The following PIGZ variants were observed in gnomAD, a reference collection of about 807,000 sequenced individuals.
The protein encoded by PIGZ is GPI alpha-1,2-mannosyltransferase 4.
In PIGZ, 16 loss-of-function variants were observed where a neutral mutation model predicts 16.4. That is an observed-to-expected ratio of 0.97 (90% CI 0.66 to 1.48). PIGZ has a LOEUF of 1.48. Among genes scored for constraint, PIGZ ranks in the 40% most tolerant of loss-of-function variants. The pLI is 0.00. For synonymous variants in PIGZ, 409 were observed against 338.4 expected, an observed-to-expected ratio of 1.21 and a Z score of -2.29; for missense variants, 770 against 739.2, an observed-to-expected ratio of 1.04 and a Z score of -0.48.
intron 2 of PIGZ, chr3:196,951,591 A>G (rs1173578237): frequency 6.9e-6 from 4 of 582,440 alleles, no homozygotes; most frequent in South Asian, 2.0e-5. Flanking sequence ...GGATACATCA[A>G]AGAGACTGGT....
intron 2 of PIGZ, chr3:196,951,501 C>G (rs983152522): frequency 5.2e-6 from 2 of 381,520 alleles, no homozygotes; most frequent in South Asian, 2.6e-5. Context: ...ACTGGGGAAG[C>G]CTAACTCTAA....
intron 2 of PIGZ, among the ~76,000 whole-genome samples, chr3:196,948,899 C>CCTTTACTTCT (rs1560180853): frequency 1.9e-4 from 6 of 31,124 alleles, no homozygotes; most frequent in Admixed American, 3.8e-4. Context: ...CCCTTCCTTC[C>CCTTTACTTCT]CTTCCCCTCC....
At position 196,949,102 on chromosome 3, in the gene PIGZ, T is replaced by C. The variant is rs76647347; in HGVS notation, c.212-417A>G. 6.1e-4 allele frequency among the ~76,000 whole-genome samples: 85 copies of C among 138,342 alleles called. 3 individuals are homozygous for C. In the East Asian group the frequency reaches 0.013, roughly 21 times the overall value. 90.8% of individuals were successfully genotyped at this position (138,342 alleles called of 152,430 possible). ...TTCATCTCTGTCACCCAGGCTGGAG[T>C]GCGGTGGCGAGATCACAGCTCTCGC... On this transcript the variant is annotated intron_variant, in intron 2 of 2. Transcript: ENST00000412723.
chr3:196,949,032 TC>T lies in PIGZ; in HGVS notation c.212-348del, dbSNP rs1560181688. 2.6e-4 allele frequency among the ~76,000 whole-genome samples: 12 copies of T among 46,050 alleles called. 1 individual carries two copies. The highest frequency in any genetic ancestry group is 1.4e-3 in the African/African-American group (11 of 7,918). The allele number at this position is 46,050 out of a possible 152,430, so 30.2% of individuals were successfully genotyped here. ...TTTCCCTCCCCTCCCTTCCCTTCCT[TC>T]CCTTCCTTCCTTCCCTTCCCTTCCT... On this transcript the variant is annotated intron_variant, in intron 2 of 2. Coordinates refer to ENST00000412723, the MANE Select transcript of PIGZ (RefSeq NM_025163.4).
intron 1 of PIGZ, among the ~76,000 whole-genome samples, chr3:196,964,295 C>T (rs1316867138): frequency 1.3e-5 from 2 of 152,098 alleles, no homozygotes; most frequent in East Asian, 3.9e-4. Context: ...GTGATCCGCC[C>T]ACCTCGGCCT....
Position 196,947,552 on chromosome 3 carries a change from G to A in PIGZ, c.1345C>T (p.Pro449Ser), listed in dbSNP as rs780088203. The change falls in exon 3 of 3, where the codon CCT (proline) becomes TCT (serine). Residue 449 changes from proline (P) to serine (S), a missense_variant. Physicochemically the swap from Pro to Ser is moderately conservative, Grantham distance 74. Transcript: ENST00000412723. ...LEYLEQVVHA[P>S]VLPSTPTHYT... The stretch of plus-strand genomic sequence containing the variant: ...TGGGTGGGTGTGCTTGGGAGCACAG[G>A]GGCATGGACCACCTGCTCCAGGTAC... The A allele has an allele frequency of 9.3e-6, 15 of 1,613,682 alleles. No homozygotes were observed. In the East Asian group the frequency reaches 2.5e-4, roughly 26 times the overall value.
intron 1 of PIGZ, among the ~76,000 whole-genome samples, chr3:196,959,762 T>C (rs1402012680): frequency 6.6e-6 from 1 of 152,204 alleles, no homozygotes; most frequent in African/African-American, 2.4e-5. Flanking sequence ...GTCAAAACCA[T>C]TGGCCACTTC....
intron 1 of PIGZ, among the ~76,000 whole-genome samples, chr3:196,968,396 C>A (rs1718020966): frequency 6.6e-6 from 1 of 152,220 alleles, no homozygotes; most frequent in Non-Finnish European, 1.5e-5. Flanking sequence ...GCGCCCAGAC[C>A]CGTGCCCTGG....
At chr3:196,961,275 T>C (rs1416176649) in intron 1 of PIGZ, among the ~76,000 whole-genome samples, 1 of 152,204 alleles carries the variant, frequency 6.6e-6, no homozygotes, top group African/African-American at 2.4e-5. Context: ...AGTAGCTCCA[T>C]TGGTCAGTTT....
chr3:196,966,074 C>A (rs1480974446), intron 1 of PIGZ, among the ~76,000 whole-genome samples: 1 of 152,194 alleles, frequency 6.6e-6, no homozygotes, highest in African/African-American at 2.4e-5. Context: ...GAGTAGAATT[C>A]GGTGCTCCAG....
chr3:196,954,467 G>A (rs1039555518), intron 1 of PIGZ, among the ~76,000 whole-genome samples: 14 of 151,662 alleles, frequency 9.2e-5, no homozygotes, highest in African/African-American at 2.4e-4. Flanking sequence ...CTTTATAATC[G>A]TCACCAGAAT....
intron 1 of PIGZ, among the ~76,000 whole-genome samples, chr3:196,963,162 C>A (rs1348858985): frequency 6.6e-6 from 1 of 152,162 alleles, no homozygotes; most frequent in African/African-American, 2.4e-5. Flanking sequence ...CAAGTGATAT[C>A]CCATTGTGTG....
At chr3:196,951,354 C>T (rs1400967705) in intron 2 of PIGZ, among the ~76,000 whole-genome samples, 1 of 152,132 alleles carries the variant, frequency 6.6e-6, no homozygotes, top group Non-Finnish European at 1.5e-5. Flanking sequence ...GCCAGGCAAC[C>T]AGCCTCATGA....
chr3:196,956,478 T>G (rs2052765), intron 1 of PIGZ, among the ~76,000 whole-genome samples: 2,656 of 152,286 alleles, frequency 0.017, 46 homozygotes, highest in Admixed American at 0.045. Flanking sequence ...AAGAACAGTA[T>G]GAGGGAAACC....
In PIGZ at chr3:196,947,431, C is replaced by T. The variant is rs202156268; in HGVS notation, c.1466G>A (p.Gly489Glu). ...GAPVEVVDMG[G>E]TEDWALCQTL... is the part of the protein sequence containing the mutation. ...TTGGCACAGGGCCCAGTCCTCAGTC[C>T]CCCCCATGTCCACCACCTCCACTGG... The change falls in exon 3 of 3, where the codon GGG becomes GAG. Residue 489 changes from glycine (G) to glutamate (E), a missense_variant. Gly to Glu is a moderately conservative substitution (Grantham distance 98). Coordinates refer to ENST00000412723, the MANE Select transcript of PIGZ (RefSeq NM_025163.4). 1.4e-5 allele frequency: 22 copies of T among 1,613,752 alleles called. No individual in the cohort carries two copies. Among genetic ancestry groups the T allele is most frequent in the Non-Finnish European group, 1.7e-5 (20 of 1,180,016 alleles).
Position 196,946,982 on chromosome 3 carries a change from G to A in PIGZ, c.*175C>T. The A allele has an allele frequency of 1.8e-6, 1 of 566,690 alleles. No homozygotes were observed. Among genetic ancestry groups the A allele is most frequent in the East Asian group, 3.0e-5 (1 of 33,496 alleles). The allele number at this position is 566,690 out of a possible 1,614,324, so 35.1% of individuals were successfully genotyped here. A position where few individuals can be genotyped will look rare whatever the true frequency, so the allele number is the denominator to read the frequency against. ...CAAATCTTTGGTCTCAGGGAGAAGA[G>A]TGCCAGCTCACCCAGAAGGCAGAAC... On this transcript the variant is annotated 3_prime_UTR_variant, in exon 3 of 3. Transcript: ENST00000412723.
intron 1 of PIGZ, among the ~76,000 whole-genome samples, chr3:196,964,240 G>A (rs568700026): frequency 1.1e-4 from 16 of 151,314 alleles, no homozygotes; most frequent in Non-Finnish European, 1.5e-4. Flanking sequence ...TAGTAGAGAC[G>A]AGGTTTCACC....
rs560368044 is a variant in PIGZ at position 196,952,382 on chromosome 3, T to C, written c.1-351A>G. Among the ~76,000 whole-genome samples, 42 of 152,336 alleles carry C rather than the reference T, an allele frequency of 2.8e-4. 1 individual carries two copies. In the South Asian group the frequency reaches 7.0e-3, roughly 26 times the overall value. On this transcript the variant is annotated intron_variant, in intron 1 of 2. Transcript: ENST00000412723. ...ACCCAGATAGCTGGTAGAACATTAT[T>C]TCTGGCAGTGTCTATAAGGGTATTT...
chr3:196,956,686 G>C (rs931347505), intron 1 of PIGZ, among the ~76,000 whole-genome samples: 2 of 152,162 alleles, frequency 1.3e-5, no homozygotes, highest in African/African-American at 2.4e-5. Flanking sequence ...TGTCGGGTAA[G>C]TTCTGTTCTA....
Sources: allele counts gnomAD v4.1 joint callset (sites outside exome capture counted in the v4.1 genomes callset), GRCh38; gene constraint gnomAD v4.1.1; transcripts MANE v1.5; gene names NCBI Gene and HGNC (gene_info 2026-07-23, HGNC 2026-07-21).